TAF7L: variants seen among roughly 807,000 people sequenced by gnomAD.
TAF7L encodes the protein TATA-box binding protein associated factor 7 like.
A neutral mutation model predicts 30.2 loss-of-function variants in TAF7L; 6 were observed. The ratio of observed to expected loss-of-function variants is 0.20; its 90% confidence interval spans 0.11 to 0.39. TAF7L has a LOEUF of 0.39. Among genes scored for constraint, TAF7L ranks in the 10% least tolerant of loss-of-function variants. The probability of loss-of-function intolerance (pLI) is 1.00; values close to 1 mark genes in which losing one functional copy is unlikely to be tolerated. For synonymous variants in TAF7L, 93 were observed against 94.5 expected (o/e 0.98, Z 0.09); for missense variants, 284 against 277.1 (o/e 1.03, Z -0.18).
rs186005912 is a variant in TAF7L at position 101,285,571 on chromosome X, C to T, written c.145+1004G>A. On this transcript the variant is annotated intron_variant, in intron 3 of 12. Coordinates refer to ENST00000356784, the MANE Select transcript of TAF7L (RefSeq NM_001168474.2). ...ATAGGGTACAAAGTTTCCCTTTTCT[C>T]CTCATCCTCATTAACAGTTGTTATT... 1.3e-4 allele frequency among the ~76,000 whole-genome samples: 13 copies of T among 101,432 alleles called. No individual in the cohort carries two copies. The East Asian group carries it at 3.9e-3, about 30-fold the overall frequency. The allele number at this position is 101,432 out of a possible 115,157, so 88.1% of individuals were successfully genotyped here. A position where few individuals can be genotyped will look rare whatever the true frequency, so the allele number is the denominator to read the frequency against.
At chrX:101,272,193 ACT>A (rs1923986031) in intron 12 of TAF7L, among the ~76,000 whole-genome samples, 1 of 111,022 alleles carries the variant, frequency 9.0e-6, no homozygotes, top group African/African-American at 3.3e-5. Flanking sequence ...CGCCCTGTAC[ACT>A]CTCTTGTGGC....
intron 8 of TAF7L, 63 bp downstream of exon 8, chrX:101,277,986 C>T: frequency 9.8e-7 from 1 of 1,021,893 alleles, no homozygotes; most frequent in Non-Finnish European, 1.4e-6. Flanking sequence ...AGAGGTGAGG[C>T]TTCGTCAGCA....
At chrX:101,281,353 A>G (rs900404281) in intron 6 of TAF7L, among the ~76,000 whole-genome samples, 3 of 112,239 alleles carry the variant, frequency 2.7e-5, no homozygotes, top group Non-Finnish European at 5.6e-5. Context: ...AGTTTGCCCA[A>G]GATTCTACAA....
At chrX:101,290,057 A>T (rs1000582636) in intron 1 of TAF7L, among the ~76,000 whole-genome samples, 2 of 109,877 alleles carry the variant, frequency 1.8e-5, no homozygotes, top group African/African-American at 6.6e-5. Flanking sequence ...TCTACTAAAG[A>T]TACAAAAATT....
intron 3 of TAF7L, 28 bp downstream of exon 3, chrX:101,286,547 G>A (rs780859273): frequency 5.5e-5 from 58 of 1,057,943 alleles, no homozygotes; most frequent in Non-Finnish European, 7.6e-5. Flanking sequence ...ATTGTTCAAT[G>A]TATAGTGAAT....
At chrX:101,272,941 C>G (rs1230939447) in intron 12 of TAF7L, among the ~76,000 whole-genome samples, 1 of 109,910 alleles carries the variant, frequency 9.1e-6, no homozygotes, top group Non-Finnish European at 1.9e-5. Flanking sequence ...CACCACCATG[C>G]CTGGCTAATT....
rs1569511262 is a variant in TAF7L, at chrX:101,277,869, A to G, written c.578-150T>C. ...TTCCTAGTTTGGAGAAGTGCCTCATATTGAATTACACAATAAATAATTTTC... is the reference window on the plus strand; with the variant it reads ...TTCCTAGTTTGGAGAAGTGCCTCATGTTGAATTACACAATAAATAATTTTC... On this transcript the variant is annotated intron_variant, in intron 8 of 12. Coordinates refer to ENST00000356784, the MANE Select transcript of TAF7L (RefSeq NM_001168474.2). 3 of 540,751 alleles carry G rather than the reference A, an allele frequency of 5.5e-6. No homozygotes were observed. The East Asian group carries it at 1.1e-4, about 19-fold the overall frequency. The allele number at this position is 540,751 out of a possible 1,213,427, so 44.6% of individuals were successfully genotyped here.
chrX:101,280,095 A>G (rs1202224144), intron 6 of TAF7L, among the ~76,000 whole-genome samples: 1 of 110,291 alleles, frequency 9.1e-6, no homozygotes, highest in Non-Finnish European at 1.9e-5. Context: ...GGGCTAGGCA[A>G]AGAGTTCTTA....
intron 1 of TAF7L, among the ~76,000 whole-genome samples, chrX:101,288,191 G>C (rs1441281096): frequency 9.3e-6 from 1 of 107,959 alleles, no homozygotes; most frequent in African/African-American, 3.4e-5. Context: ...GCCCAGGCTG[G>C]AGTGCAGTGG....
At chrX:101,285,754 G>T (rs1451602824) in intron 3 of TAF7L, among the ~76,000 whole-genome samples, 2 of 110,661 alleles carry the variant, frequency 1.8e-5, no homozygotes, top group African/African-American at 6.6e-5. Flanking sequence ...TATCTGTTCA[G>T]ATCCTTTGCC....
intron 6 of TAF7L, among the ~76,000 whole-genome samples, chrX:101,281,044 G>C (rs1004613022): frequency 1.8e-5 from 2 of 111,563 alleles, no homozygotes; most frequent in Admixed American, 1.9e-4. Context: ...TTTGTATTTT[G>C]ACTGTGTAGA....
intron 5 of TAF7L, 131 bp from the exon 6 acceptor site, chrX:101,281,906 G>C: frequency 2.0e-6 from 1 of 508,349 alleles, no homozygotes; most frequent in East Asian, 3.9e-5. Context: ...TTTTTTTTGA[G>C]ATCGAGTCCC....
At chrX:101,269,416 C>A (rs978901987) in intron 12 of TAF7L, among the ~76,000 whole-genome samples, 179 bp from the exon 13 acceptor site, 4 of 112,470 alleles carry the variant, frequency 3.6e-5, no homozygotes, top group African/African-American at 1.3e-4. Context: ...ATGCATACTG[C>A]TGTGGCCATG....
At position 101,281,724 on chromosome X, in the gene TAF7L, T is replaced by C. The variant is rs754899644; in HGVS notation, c.458A>G (p.Lys153Arg). 2 of 1,210,617 alleles carry C rather than the reference T, an allele frequency of 1.7e-6. No individual in the cohort carries two copies. Among genetic ancestry groups the C allele is most frequent in the South Asian group, 3.5e-5 (2 of 56,885 alleles). Residue 153 changes from lysine (K) to arginine (R), a missense_variant, in exon 6 of 13, where the codon AAA becomes AGA. Coordinates refer to ENST00000356784, the MANE Select transcript of TAF7L (RefSeq NM_001168474.2). ...CACAAATAGCATGTAACTAACCTTT[T>C]TTTGTGTTTTCCGGAACCTTTTCTT... is the stretch of plus-strand genomic sequence containing the variant. Reference protein sequence around the residue: ...VRKKRFRKTQKKVPDVKEMEK... With the variant: ...VRKKRFRKTQRKVPDVKEMEK...
At chrX:101,286,720 A>G in intron 2 of TAF7L, 67 bp from the exon 3 acceptor site, 1 of 827,233 alleles carries the variant, frequency 1.2e-6, no homozygotes, top group Non-Finnish European at 1.7e-6. Flanking sequence ...CAGAATAGAT[A>G]TATCAAAGAA....
intron 12 of TAF7L, among the ~76,000 whole-genome samples, chrX:101,271,235 C>A (rs1165014853): frequency 8.9e-6 from 1 of 111,987 alleles, no homozygotes; most frequent in African/African-American, 3.2e-5. Context: ...TTCTATGCTG[C>A]TCCTCAATAC....
rs780016582 is a variant in TAF7L, at chrX:101,286,080, C to T, written c.145+495G>A. On this transcript the variant is annotated intron_variant, in intron 3 of 12. Coordinates refer to ENST00000356784, the MANE Select transcript of TAF7L (RefSeq NM_001168474.2). ...CCTGTAATCCCAGCTACTTGGGAGG[C>T]TGAGGCAGAAGAATCACTTGAACCC... is the stretch of plus-strand genomic sequence containing the variant. Among the ~76,000 whole-genome samples, 106 of 108,327 alleles carry T rather than the reference C, an allele frequency of 9.8e-4. 1 individual carries two copies. The highest frequency in any genetic ancestry group is 3.5e-3 in the African/African-American group (103 of 29,682). 94.1% of individuals were successfully genotyped at this position (108,327 alleles called of 115,157 possible). A position where few individuals can be genotyped will look rare whatever the true frequency, so the allele number is the denominator to read the frequency against.
chrX:101,287,078 C>T (rs929728655), intron 2 of TAF7L, among the ~76,000 whole-genome samples: 1 of 111,850 alleles, frequency 8.9e-6, no homozygotes, highest in South Asian at 3.7e-4. Flanking sequence ...GAGCCAAATA[C>T]TTGTTGAGAT....
In TAF7L at chrX:101,276,495, G is replaced by A. The variant is rs201051636; in HGVS notation, c.725C>T (p.Ser242Phe). 9.9e-6 allele frequency: 12 copies of A among 1,207,489 alleles called. No homozygotes were observed. The highest frequency in any genetic ancestry group is 1.1e-5 in the Non-Finnish European group (10 of 894,268). ...YDMLREMFSD[S>F]RSNNDDDEDE... ...CTCATCATCATCATTGTTACTTCTAGAATCACTGAACATCTCCCGAAGCAT... is the reference window on the plus strand; with the variant it reads ...CTCATCATCATCATTGTTACTTCTAAAATCACTGAACATCTCCCGAAGCAT... Residue 242 changes from serine (S) to phenylalanine (F), a missense_variant, in exon 10 of 13, where the codon TCT (serine) becomes TTT (phenylalanine). Ser to Phe is a radical substitution (Grantham distance 155, BLOSUM62 -2). Transcript: ENST00000356784.
Sources: gnomAD v4.1 joint callset for allele counts (sites outside exome capture counted in the v4.1 genomes callset) on GRCh38, gnomAD v4.1.1 for gene constraint, MANE v1.5 for transcripts, NCBI Gene and HGNC (gene_info 2026-07-23, HGNC 2026-07-21) for gene names.